Variants in DOCK3 observed in about 807,000 individuals in gnomAD.
DOCK3 encodes the protein dedicator of cytokinesis 3.
A neutral mutation model predicts 265.6 loss-of-function variants in DOCK3; 60 were observed. The ratio of observed to expected loss-of-function variants is 0.23; its 90% CI spans 0.18 to 0.28. DOCK3 has a LOEUF of 0.28. Among genes scored for constraint, DOCK3 ranks in the 10% least tolerant of loss-of-function variants. The pLI is 1.00. For missense variants in DOCK3, 1,981 were observed against 2,594.3 expected (o/e 0.76, Z 5.14); for synonymous variants, 881 against 938.0 (o/e 0.94, Z 1.11).
At chr3:51,193,801 C>CTTTTTTTTTTTTTTT (rs36051516) in intron 12 of DOCK3, among the ~76,000 whole-genome samples, 1 of 126,678 alleles carries the variant, frequency 7.9e-6, no homozygotes, top group Non-Finnish European at 1.6e-5. Context: ...GGGCTTCTCT[C>CTTTTTTTTTTTTTTT]TTTTTTTTTT....
intron 5 of DOCK3, among the ~76,000 whole-genome samples, chr3:51,013,587 C>A (rs1359179730): frequency 6.6e-6 from 1 of 152,048 alleles, no homozygotes; most frequent in East Asian, 1.9e-4. Context: ...TCAGTCAGCC[C>A]CTATTGGGAG....
rs759298545 is a variant in DOCK3, at chr3:51,357,130, C to T, written c.4672C>T (p.Arg1558Cys). Residue 1558 changes from arginine (R) to cysteine (C), a missense_variant, in exon 44 of 53, where the codon CGC becomes TGC. Arg to Cys is a radical substitution (Grantham distance 180). This residue lies in a region of DOCK3 where 1,357 missense variants were observed against 1,866.8 expected (regional missense o/e 0.73). Transcript: ENST00000266037. The part of the protein sequence containing the change: ...IDAAVNGGIA[R>C]YQEAFFDKDY... ...TGCAGCTGTCAATGGAGGCATTGCA[C>T]GCTATCAGGAGGTAAGCTGTGGCCA... 6 of 1,611,778 alleles carry T rather than the reference C, an allele frequency of 3.7e-6. No homozygotes were observed. The highest frequency in any genetic ancestry group is 2.2e-5 in the East Asian group (1 of 44,888).
At chr3:50,999,341 C>G (rs572319255) in intron 5 of DOCK3, among the ~76,000 whole-genome samples, 4 of 151,914 alleles carry the variant, frequency 2.6e-5, no homozygotes, top group Admixed American at 2.0e-4. Flanking sequence ...GTGGAGATCT[C>G]TGGTTAGAGT....
chr3:51,143,106 C>T (rs558676447), intron 9 of DOCK3, among the ~76,000 whole-genome samples: 4 of 152,120 alleles, frequency 2.6e-5, no homozygotes, highest in East Asian at 1.9e-4. Context: ...AGGCTGGTCT[C>T]GAACTCCTGA....
chr3:50,890,560 A>C (rs2048591342), intron 4 of DOCK3, among the ~76,000 whole-genome samples: 1 of 152,150 alleles, frequency 6.6e-6, no homozygotes, highest in Non-Finnish European at 1.5e-5. Flanking sequence ...CAAGAAATAA[A>C]TATATCAAAA....
At chr3:50,704,775 G>T (rs2036280037) in intron 1 of DOCK3, among the ~76,000 whole-genome samples, 1 of 151,968 alleles carries the variant, frequency 6.6e-6, no homozygotes, top group Non-Finnish European at 1.5e-5. Context: ...ACAGGCATGT[G>T]CCATGACGCT....
intron 1 of DOCK3, among the ~76,000 whole-genome samples, chr3:50,752,370 G>A (rs181807759): frequency 1.1e-4 from 17 of 152,134 alleles, no homozygotes; most frequent in Admixed American, 2.6e-4. Context: ...TAAGCTGGGC[G>A]TGGTGGTGTG....
intron 9 of DOCK3, among the ~76,000 whole-genome samples, chr3:51,096,919 C>T (rs1296026387): frequency 6.6e-6 from 1 of 152,106 alleles, no homozygotes; most frequent in Non-Finnish European, 1.5e-5. Flanking sequence ...CTTTCTAGAC[C>T]CTGTTTGCCT....
At chr3:51,038,534 C>G (rs2109006826) in intron 5 of DOCK3, among the ~76,000 whole-genome samples, 1 of 152,148 alleles carries the variant, frequency 6.6e-6, no homozygotes, top group South Asian at 2.1e-4. Flanking sequence ...TACCAGATTC[C>G]CCTTGTTAAA....
intron 5 of DOCK3, among the ~76,000 whole-genome samples, chr3:51,005,495 C>T (rs374798156): frequency 1.3e-5 from 2 of 152,166 alleles, no homozygotes; most frequent in South Asian, 2.1e-4. Flanking sequence ...TAAACTTTAT[C>T]TCTGTTTTGA....
At chr3:51,318,318 G>A (rs1576781388) in intron 32 of DOCK3, among the ~76,000 whole-genome samples, 1 of 152,290 alleles carries the variant, frequency 6.6e-6, no homozygotes, top group East Asian at 1.9e-4. Context: ...AAGGGAGATT[G>A]CAGTGATCTG....
intron 5 of DOCK3, among the ~76,000 whole-genome samples, chr3:51,014,938 T>C (rs1011649619): frequency 6.6e-6 from 1 of 152,178 alleles, no homozygotes; most frequent in African/African-American, 2.4e-5. Context: ...CCTTTTCAGA[T>C]TGTTCACTGT....
intron 5 of DOCK3, among the ~76,000 whole-genome samples, chr3:50,974,540 T>C (rs1373032472): frequency 1.3e-5 from 2 of 151,822 alleles, no homozygotes; most frequent in Non-Finnish European, 2.9e-5. Flanking sequence ...TTGGTTACTG[T>C]AGCCTTGTAG....
At chr3:51,294,769 TAGAG>T (rs2081984582) in intron 27 of DOCK3, among the ~76,000 whole-genome samples, 1 of 150,890 alleles carries the variant, frequency 6.6e-6, no homozygotes, top group Admixed American at 6.6e-5. Context: ...GGGCAGTAGA[TAGAG>T]AAAGGGGAGA....
At chr3:51,199,724 G>A (rs557593116) in intron 12 of DOCK3, among the ~76,000 whole-genome samples, 1 of 152,202 alleles carries the variant, frequency 6.6e-6, no homozygotes, top group Non-Finnish European at 1.5e-5. Flanking sequence ...CTGAGAATGG[G>A]CAGACTGCCT....
intron 4 of DOCK3, among the ~76,000 whole-genome samples, chr3:50,919,591 C>T (rs942147981): frequency 6.6e-6 from 1 of 152,114 alleles, no homozygotes; most frequent in Non-Finnish European, 1.5e-5. Flanking sequence ...GATTTTTGTA[C>T]ATTGATTTTG....
intron 22 of DOCK3, among the ~76,000 whole-genome samples, chr3:51,254,888 A>G (rs936812895): frequency 2.0e-5 from 3 of 152,092 alleles, no homozygotes; most frequent in South Asian, 4.1e-4. Context: ...ATATAGTTAT[A>G]TGTGAATTTG....
chr3:51,014,614 A>G (rs1045938965), intron 5 of DOCK3, among the ~76,000 whole-genome samples: 1 of 152,084 alleles, frequency 6.6e-6, no homozygotes, highest in Non-Finnish European at 1.5e-5. Context: ...TTTTTTGCTC[A>G]GAATGGTTTT....
chr3:50,800,227 C>T (rs1020678769), intron 2 of DOCK3, among the ~76,000 whole-genome samples: 1 of 152,132 alleles, frequency 6.6e-6, no homozygotes, highest in African/African-American at 2.4e-5. Flanking sequence ...AGTGAGAATT[C>T]CCTGCTTCAA....
Sources: gnomAD v4.1 joint callset for allele counts (sites outside exome capture counted in the v4.1 genomes callset) on GRCh38, gnomAD v4.1.1 for gene constraint, gnomAD v4.1.1 regional missense constraint, MANE v1.5 for transcripts, NCBI Gene and HGNC (gene_info 2026-07-23, HGNC 2026-07-21) for gene names.